The following DYRK1A variants were observed in gnomAD, a reference collection of about 807,000 sequenced individuals.
The protein encoded by DYRK1A is dual specificity tyrosine phosphorylation regulated kinase 1A.
In DYRK1A, 9 loss-of-function variants were observed where a neutral mutation model predicts 79.7. The observed-to-expected ratio is 0.11, with a 90% CI of 0.07 to 0.20. DYRK1A has a LOEUF of 0.20. DYRK1A is among the 10% of genes least tolerant of loss of function. The pLI, the probability that DYRK1A is intolerant of heterozygous loss-of-function variation, is 1.00. For missense variants in DYRK1A, 622 were observed against 956.0 expected, an observed-to-expected ratio of 0.65 and a Z score of 4.61; for synonymous variants, 349 against 329.7, an observed-to-expected ratio of 1.06 and a Z score of -0.63.
intron 2 of DYRK1A, among the ~76,000 whole-genome samples, chr21:37,444,966 G>C (rs1020742862): frequency 2.0e-5 from 3 of 152,050 alleles, no homozygotes; most frequent in Non-Finnish European, 4.4e-5. Context: ...GCACTGGGAG[G>C]TGACATGCAA....
intron 5 of DYRK1A, among the ~76,000 whole-genome samples, chr21:37,484,381 T>A (rs2052774643): frequency 6.8e-6 from 1 of 148,002 alleles, no homozygotes; most frequent in African/African-American, 2.5e-5. Flanking sequence ...CAGGCTGGAG[T>A]GCAATGGTGT....
chr21:37,427,762 C>A (rs896364637), intron 2 of DYRK1A, among the ~76,000 whole-genome samples: 1 of 151,968 alleles, frequency 6.6e-6, no homozygotes, highest in African/African-American at 2.4e-5. Context: ...TTTTCTGCAC[C>A]CTAGGATCCT....
In DYRK1A at chr21:37,519,239, C is replaced by T. The variant is rs2053911032; in HGVS notation, c.*6708C>T. ...GTCTTGTAAGCCGGTGAAGGGTTTC[C>T]CAGGGCACCAGCCACCAGCTCTGTA... On this transcript the variant is annotated 3_prime_UTR_variant, in exon 12 of 12. Transcript: ENST00000647188. 1 of 152,134 alleles carries T rather than the reference C, an allele frequency of 6.6e-6. No individual in the cohort carries two copies. The highest frequency in any genetic ancestry group is 1.5e-5 in the Non-Finnish European group (1 of 68,044). The allele number at this position is 152,134 out of a possible 1,614,324, so 9.4% of individuals were successfully genotyped here.
At chr21:37,379,564 A>T (rs2049614876) in intron 1 of DYRK1A, among the ~76,000 whole-genome samples, 1 of 152,202 alleles carries the variant, frequency 6.6e-6, no homozygotes, top group African/African-American at 2.4e-5. Flanking sequence ...TGTAGTTCAG[A>T]CCTTACATTA....
chr21:37,388,940 A>G (rs12482577), intron 1 of DYRK1A, among the ~76,000 whole-genome samples: 14,485 of 151,548 alleles, frequency 0.096, 822 homozygotes, highest in Non-Finnish European at 0.12. Context: ...CACTGCGCCC[A>G]GCCAAAAAAG....
chr21:37,507,109 A>G (rs1191383547), intron 11 of DYRK1A, among the ~76,000 whole-genome samples: 1 of 152,198 alleles, frequency 6.6e-6, no homozygotes, highest in Non-Finnish European at 1.5e-5. Context: ...TTTGCTTTGT[A>G]AGGAAAAGAG....
chr21:37,394,147 TTC>T lies in DYRK1A; in HGVS notation c.-76-26150_-76-26149del, dbSNP rs1187923351. 2.0e-5 allele frequency among the ~76,000 whole-genome samples: 3 copies of T among 152,282 alleles called. No homozygotes were observed. In the South Asian group the frequency reaches 6.2e-4, roughly 32 times the overall value. On this transcript the variant is annotated intron_variant, in intron 1 of 11. Coordinates refer to ENST00000647188, the MANE Select transcript of DYRK1A (RefSeq NM_001347721.2). The stretch of plus-strand genomic sequence containing the variant: ...GGGAAAAAGAAAGATAACTTTTTTA[TTC>T]TGTTTGTTTTTTATTGTCTAATCCT...
At chr21:37,410,434 A>G (rs1051081976) in intron 1 of DYRK1A, 3 of 152,212 alleles carry the variant, frequency 2.0e-5, no homozygotes, top group Admixed American at 6.5e-5. Context: ...TTTGAAATGG[A>G]TGAGTTTTCA....
chr21:37,479,615 T>TTG (rs2052548064), intron 4 of DYRK1A, among the ~76,000 whole-genome samples: 1 of 99,758 alleles, frequency 1.0e-5, no homozygotes, highest in African/African-American at 4.4e-5. Context: ...TGTTTTTGTT[T>TTG]TTTGTTTTTT....
chr21:37,462,826 A>T (rs2051887942), intron 2 of DYRK1A, among the ~76,000 whole-genome samples: 1 of 152,030 alleles, frequency 6.6e-6, no homozygotes, highest in Non-Finnish European at 1.5e-5. Context: ...ACCAAGAGTG[A>T]TTTCTTTTTT....
chr21:37,378,737 A>G (rs1049800147), intron 1 of DYRK1A, among the ~76,000 whole-genome samples: 4 of 152,206 alleles, frequency 2.6e-5, no homozygotes, highest in African/African-American at 9.6e-5. Flanking sequence ...AGGTTTGGTT[A>G]CATCTGCTTT....
rs2053790305 is a variant in DYRK1A, at chr21:37,512,690, A to G, written c.*159A>G. The G allele has an allele frequency of 1.2e-6, 1 of 807,866 alleles. No homozygotes were observed. Among genetic ancestry groups the G allele is most frequent in the Non-Finnish European group, 1.9e-6 (1 of 524,868 alleles). 50.0% of individuals were successfully genotyped at this position (807,866 alleles called of 1,614,324 possible). A position where few individuals can be genotyped will look rare whatever the true frequency, so the allele number is the denominator to read the frequency against. On this transcript the variant is annotated 3_prime_UTR_variant, in exon 12 of 12. Transcript: ENST00000647188. ...TTTTTTTTTAACTTGAAAAGATTGCAAAGGGACATTGAAGTGTTTAAAAGA... is the reference window on the plus strand; with the variant it reads ...TTTTTTTTTAACTTGAAAAGATTGCGAAGGGACATTGAAGTGTTTAAAAGA...
chr21:37,383,353 C>T (rs1381961261), intron 1 of DYRK1A, among the ~76,000 whole-genome samples: 1 of 152,190 alleles, frequency 6.6e-6, no homozygotes, highest in African/African-American at 2.4e-5. Context: ...TTTGGATGTT[C>T]TTAACTATGT....
intron 11 of DYRK1A, among the ~76,000 whole-genome samples, chr21:37,508,415 G>A (rs2053657476): frequency 2.6e-5 from 4 of 152,176 alleles, no homozygotes; most frequent in Admixed American, 2.6e-4. Flanking sequence ...AGCCTCCTGA[G>A]TAGCTGGGAT....
chr21:37,511,511 G>A (rs1601333173), intron 11 of DYRK1A, among the ~76,000 whole-genome samples: 1 of 152,288 alleles, frequency 6.6e-6, no homozygotes, highest in East Asian at 1.9e-4. Flanking sequence ...GTAGATAGTA[G>A]TCCTTTATTG....
chr21:37,397,290 A>T (rs1205131182), intron 1 of DYRK1A, among the ~76,000 whole-genome samples: 2 of 152,190 alleles, frequency 1.3e-5, no homozygotes, highest in Non-Finnish European at 1.5e-5. Context: ...ATTTCTGGGG[A>T]CCCTTTTTCC....
intron 8 of DYRK1A, among the ~76,000 whole-genome samples, chr21:37,494,317 A>T (rs539108123): frequency 6.6e-6 from 1 of 151,834 alleles, no homozygotes; most frequent in Non-Finnish European, 1.5e-5. Flanking sequence ...AAACAATATT[A>T]AAAAAACTTT....
chr21:37,426,908 A>C (rs2050637632), intron 2 of DYRK1A, among the ~76,000 whole-genome samples: 1 of 119,058 alleles, frequency 8.4e-6, no homozygotes, highest in South Asian at 2.7e-4. Context: ...CTAAAGAGCG[A>C]GACTCGGTTC....
At position 37,374,170 on chromosome 21, in the gene DYRK1A, G is replaced by A. The variant is rs146397127; in HGVS notation, c.-77+6542G>A. ...CACGTAAGCAATATTTGAAATCTGA[G>A]CTTTTGCATTTAGTGTTAATAGTCC... is the stretch of plus-strand genomic sequence containing the variant. On this transcript the variant is annotated intron_variant, in intron 1 of 11. Coordinates refer to ENST00000647188, the MANE Select transcript of DYRK1A (RefSeq NM_001347721.2). Among the ~76,000 whole-genome samples, 1,065 of 151,950 alleles carry A rather than the reference G, an allele frequency of 7.0e-3. 13 individuals carry two copies. Among genetic ancestry groups the A allele is most frequent in the African/African-American group, 0.025 (1,022 of 41,388 alleles).
Sources: gnomAD v4.1 joint callset for allele counts (sites outside exome capture counted in the v4.1 genomes callset) on GRCh38, gnomAD v4.1.1 for gene constraint, MANE v1.5 for transcripts, NCBI Gene and HGNC (gene_info 2026-07-23, HGNC 2026-07-21) for gene names.